The following ATP6V0A1 variants were observed in gnomAD, a reference collection of about 807,000 sequenced individuals.
ATP6V0A1 encodes ATPase H+ transporting V0 subunit a1.
A neutral mutation model predicts 105.4 loss-of-function variants in ATP6V0A1; 43 were observed. That is an observed-to-expected ratio of 0.41 (90% CI 0.32 to 0.53). The LOEUF (loss-of-function observed/expected upper bound fraction) is 0.53, where lower values mean the gene tolerates loss of function less well. Among genes scored for constraint, ATP6V0A1 ranks in the 20% least tolerant of loss-of-function variants. The pLI, the probability that ATP6V0A1 is intolerant of heterozygous loss-of-function variation, is 0.30. For missense variants in ATP6V0A1, 676 were observed against 1,051.1 expected (o/e 0.64, Z 4.93); for synonymous variants, 362 against 372.8 (o/e 0.97, Z 0.33).
At chr17:42,459,567 G>A (rs1275337249) in intron 1 of ATP6V0A1, among the ~76,000 whole-genome samples, 2 of 152,202 alleles carry the variant, frequency 1.3e-5, no homozygotes, top group Non-Finnish European at 2.9e-5. Flanking sequence ...AGAGCAGGAG[G>A]ACGGAGGCGA....
intron 2 of ATP6V0A1, among the ~76,000 whole-genome samples, chr17:42,464,963 A>G (rs1040356449): frequency 6.6e-6 from 1 of 151,892 alleles, no homozygotes; most frequent in African/African-American, 2.4e-5. Context: ...TCTCTATTAG[A>G]TTGCAAGCTT....
At chr17:42,520,051 C>A in intron 21 of ATP6V0A1, 1 of 179,522 alleles carries the variant, frequency 5.6e-6, no homozygotes. Context: ...TAGAGGGTTC[C>A]TGAAGCTTTA....
intron 2 of ATP6V0A1, among the ~76,000 whole-genome samples, chr17:42,464,018 G>A (rs955749778): frequency 1.3e-5 from 2 of 152,248 alleles, no homozygotes; most frequent in Middle Eastern, 3.4e-3. Context: ...GGAGGGGTTG[G>A]TCTTACTGTC....
At chr17:42,520,499 G>C (rs1315543035) in intron 21 of ATP6V0A1, 2 of 456,514 alleles carry the variant, frequency 4.4e-6, no homozygotes, top group Non-Finnish European at 8.8e-6. Context: ...CCATTGCTTT[G>C]AGAAGACTTC....
At chr17:42,500,408 G>C (rs150621673) in intron 15 of ATP6V0A1, among the ~76,000 whole-genome samples, 84 of 152,324 alleles carry the variant, frequency 5.5e-4, no homozygotes, top group Admixed American at 1.3e-3. Flanking sequence ...TAAGCCCAGG[G>C]AGGTTAAGAC....
At chr17:42,497,889 A>G (rs974432430) in intron 14 of ATP6V0A1, among the ~76,000 whole-genome samples, 1 of 144,962 alleles carries the variant, frequency 6.9e-6, no homozygotes, top group Non-Finnish European at 1.5e-5. Flanking sequence ...CCGAGATTTC[A>G]CCACTGCACT....
intron 14 of ATP6V0A1, among the ~76,000 whole-genome samples, chr17:42,496,935 A>G (rs1313361692): frequency 6.6e-6 from 1 of 152,210 alleles, no homozygotes; most frequent in Non-Finnish European, 1.5e-5. Flanking sequence ...TTCAAAAGAA[A>G]TTTTGTAATG....
intron 21 of ATP6V0A1, among the ~76,000 whole-genome samples, chr17:42,517,293 C>T (rs1055220683): frequency 6.6e-6 from 1 of 151,802 alleles, no homozygotes; most frequent in African/African-American, 2.4e-5. Flanking sequence ...ACAACAACAA[C>T]AACAACAACA....
intron 21 of ATP6V0A1, among the ~76,000 whole-genome samples, chr17:42,517,585 C>T (rs1043406293): frequency 6.6e-6 from 1 of 152,152 alleles, no homozygotes; most frequent in African/African-American, 2.4e-5. Context: ...ACGAGTGGGG[C>T]GCCTCCCCCA....
chr17:42,482,970 A>G (rs913612258), intron 8 of ATP6V0A1, 68 bp from the exon 9 acceptor site: 2 of 1,149,862 alleles, frequency 1.7e-6, no homozygotes, highest in Admixed American at 3.0e-5. Context: ...CTTCTGGTAC[A>G]TTAGGATTAC....
At chr17:42,516,258 C>T (rs1036433103) in intron 21 of ATP6V0A1, among the ~76,000 whole-genome samples, 16 of 152,198 alleles carry the variant, frequency 1.1e-4, no homozygotes, top group Non-Finnish European at 1.8e-4. Flanking sequence ...TGGGTGACCC[C>T]TGAGCCTCCT....
chr17:42,498,939 A>G lies in ATP6V0A1; in HGVS notation c.1576A>G (p.Thr526Ala). 2 of 1,610,482 alleles carry G rather than the reference A, an allele frequency of 1.2e-6. No homozygotes were observed. The highest frequency in any genetic ancestry group is 2.2e-5 in the South Asian group (2 of 90,958). ...FGIDPIWNIA[T>A]NKLTFLNSFK... Reference sequence around the variant, plus strand: ...GTTATGACAGATTTGGAACATTGCTACCAATAAACTGACGTTCTTGAACTC... The same window carrying G: ...GTTATGACAGATTTGGAACATTGCTGCCAATAAACTGACGTTCTTGAACTC... The change falls in exon 15 of 22, where the codon ACC becomes GCC. Residue 526 changes from threonine to alanine, a missense_variant. By Grantham distance (58) the Thr-to-Ala change is moderately conservative. Coordinates refer to ENST00000343619, the MANE Select transcript of ATP6V0A1 (RefSeq NM_001130021.3).
chr17:42,489,602 G>A (rs1213985626), intron 10 of ATP6V0A1, among the ~76,000 whole-genome samples: 2 of 151,972 alleles, frequency 1.3e-5, no homozygotes, highest in African/African-American at 4.8e-5. Context: ...CAAGGTGCAG[G>A]AGAAATACAA....
At chr17:42,499,468 C>G (rs1419382191) in intron 15 of ATP6V0A1, among the ~76,000 whole-genome samples, 1 of 150,152 alleles carries the variant, frequency 6.7e-6, no homozygotes, top group Admixed American at 6.7e-5. Context: ...GAGACTCTGC[C>G]TCAAAAAAAA....
chr17:42,520,442 GAGA>G (rs1349086360), intron 21 of ATP6V0A1: 2 of 456,486 alleles, frequency 4.4e-6, no homozygotes, highest in African/African-American at 2.0e-5. Context: ...TAGTCCCCAA[GAGA>G]AGAATTCTTT....
chr17:42,497,175 C>T (rs934168299), intron 14 of ATP6V0A1, among the ~76,000 whole-genome samples: 2 of 150,936 alleles, frequency 1.3e-5, no homozygotes. Flanking sequence ...TGGTGGTGCA[C>T]GCCTGTAGTC....
intron 21 of ATP6V0A1, chr17:42,519,397 C>G (rs536184627): frequency 6.6e-6 from 1 of 152,386 alleles, no homozygotes; most frequent in East Asian, 1.9e-4. Context: ...GGCTGACATT[C>G]ACTCCTAGGT....
intron 9 of ATP6V0A1, among the ~76,000 whole-genome samples, chr17:42,485,323 T>A (rs143569470): frequency 1.3e-5 from 2 of 152,282 alleles, no homozygotes; most frequent in Admixed American, 6.5e-5. Context: ...GCTGTCTTAA[T>A]CTCCTTCCAG....
chr17:42,485,160 A>G (rs892443098), intron 9 of ATP6V0A1, among the ~76,000 whole-genome samples: 4 of 151,950 alleles, frequency 2.6e-5, no homozygotes, highest in Non-Finnish European at 1.5e-5. Context: ...TGTAACTTCC[A>G]TTTTAACTCT....
Sources: allele counts gnomAD v4.1 joint callset (sites outside exome capture counted in the v4.1 genomes callset), GRCh38; gene constraint gnomAD v4.1.1; transcripts MANE v1.5; gene names NCBI Gene and HGNC (gene_info 2026-07-23, HGNC 2026-07-21).